CTNNA2: variants seen among roughly 807,000 people sequenced by gnomAD.
The protein encoded by CTNNA2 is catenin alpha-2.
Under a neutral mutation model 101.0 loss-of-function variants are expected in CTNNA2, and 42 were observed. That is an observed-to-expected ratio of 0.42 (90% CI 0.32 to 0.54). The LOEUF (loss-of-function observed/expected upper bound fraction) is 0.54, where lower values mean the gene tolerates loss of function less well. Ranked by LOEUF, CTNNA2 falls within the 20% of genes least tolerant of loss-of-function variation. The pLI, the probability that CTNNA2 is intolerant of heterozygous loss-of-function variation, is 0.14. For synonymous variants in CTNNA2, 450 were observed against 456.4 expected (o/e 0.99, Z 0.18); for missense variants, 871 against 1,223.1 (o/e 0.71, Z 4.29).
chr2:80,070,660 T>A (rs1698271344), intron 7 of CTNNA2, among the ~76,000 whole-genome samples: 1 of 150,636 alleles, frequency 6.6e-6, no homozygotes, highest in African/African-American at 2.5e-5. Context: ...GAGGCTGCAG[T>A]GAGCCATGAT....
At chr2:79,420,170 A>C (rs940435075) in intron 4 of CTNNA2, among the ~76,000 whole-genome samples, 1 of 152,154 alleles carries the variant, frequency 6.6e-6, no homozygotes, top group South Asian at 2.1e-4. Flanking sequence ...AAAAGTGACA[A>C]AAGACAGCAA....
intron 2 of CTNNA2, among the ~76,000 whole-genome samples, chr2:79,204,798 T>G (rs1287163622): frequency 2.0e-5 from 3 of 152,302 alleles, no homozygotes; most frequent in Non-Finnish European, 2.9e-5. Context: ...AAATGCTACG[T>G]TCTCACATGG....
chr2:79,621,799 T>C (rs1679014988), intron 1 of CTNNA2, among the ~76,000 whole-genome samples: 1 of 152,180 alleles, frequency 6.6e-6, no homozygotes, highest in African/African-American at 2.4e-5. Flanking sequence ...CCAGTAGTGA[T>C]GAACCATGTG....
intron 4 of CTNNA2, among the ~76,000 whole-genome samples, chr2:79,399,152 A>G (rs1036877169): frequency 2.0e-5 from 3 of 152,176 alleles, no homozygotes; most frequent in African/African-American, 7.2e-5. Context: ...TAGAAAAAAT[A>G]AATAATGACA....
At chr2:79,684,295 C>T (rs1029300277) in intron 2 of CTNNA2, among the ~76,000 whole-genome samples, 8 of 152,174 alleles carry the variant, frequency 5.3e-5, no homozygotes, top group Admixed American at 2.6e-4. Flanking sequence ...ATTCTATCTT[C>T]TGCCCTGTTC....
chr2:79,479,933 G>T (rs1316843045), intron 4 of CTNNA2, among the ~76,000 whole-genome samples: 5 of 151,864 alleles, frequency 3.3e-5, no homozygotes, highest in Admixed American at 3.3e-4. Context: ...AAAAAAAAAA[G>T]AAGGAATAAC....
chr2:80,333,823 A>ATGTT (rs1559017696), intron 7 of CTNNA2, among the ~76,000 whole-genome samples: 2 of 152,182 alleles, frequency 1.3e-5, no homozygotes, highest in Non-Finnish European at 2.9e-5. Flanking sequence ...GGGTTTCGCC[A>ATGTT]TGTTGGCCAG....
intron 2 of CTNNA2, among the ~76,000 whole-genome samples, chr2:79,664,300 T>C (rs1573610563): frequency 6.6e-6 from 1 of 152,214 alleles, no homozygotes; most frequent in Non-Finnish European, 1.5e-5. Flanking sequence ...AATGAAACCT[T>C]CATTTTTAAT....
intron 13 of CTNNA2, chr2:80,576,557 T>G (rs539566276): frequency 6.6e-6 from 1 of 152,044 alleles, no homozygotes; most frequent in African/African-American, 2.4e-5. Context: ...AACACGAAAT[T>G]TGTGAATCTT....
chr2:80,009,359 C>T (rs1693604377), intron 7 of CTNNA2, among the ~76,000 whole-genome samples: 1 of 152,140 alleles, frequency 6.6e-6, no homozygotes, highest in Admixed American at 6.6e-5. Context: ...CATTTCTCTT[C>T]TGAAGCCAAT....
chr2:80,029,760 A>G (rs182546167), intron 7 of CTNNA2, among the ~76,000 whole-genome samples: 10 of 152,122 alleles, frequency 6.6e-5, no homozygotes, highest in Admixed American at 5.9e-4. Flanking sequence ...CAAGTTTATA[A>G]GTGCATCATC....
rs1382927367 is a variant in CTNNA2, at chr2:80,419,500, G to A, written c.1189G>A (p.Val397Ile). 3 of 1,613,530 alleles carry A rather than the reference G, an allele frequency of 1.9e-6. No homozygotes were observed. Residue 397 changes from valine to isoleucine, a missense_variant, in exon 9 of 19, where the codon GTT becomes ATT. By Grantham distance (29) the Val-to-Ile change is conservative. This residue lies in a region of CTNNA2 where 647 missense variants were observed against 831.5 expected (regional missense o/e 0.78). Transcript: ENST00000402739. ...ATCTGACTCTTTCCTGGAAACCAAT[G>A]TTCCTTTGCTAGTTCTCATTGAGGC... ...HISDSFLETN[V>I]PLLVLIEAAK...
chr2:79,550,018 A>G (rs1673993100), intron 1 of CTNNA2, among the ~76,000 whole-genome samples: 1 of 152,190 alleles, frequency 6.6e-6, no homozygotes, highest in South Asian at 2.1e-4. Context: ...ACTATGAGCC[A>G]GAACTGGGCT....
chr2:79,455,101 G>A (rs1670800982), intron 4 of CTNNA2, among the ~76,000 whole-genome samples: 1 of 152,154 alleles, frequency 6.6e-6, no homozygotes, highest in Non-Finnish European at 1.5e-5. Flanking sequence ...GGGTGTCTGG[G>A]TGAGGGCAGA....
At chr2:80,214,146 T>G (rs1463081269) in intron 7 of CTNNA2, among the ~76,000 whole-genome samples, 2 of 152,168 alleles carry the variant, frequency 1.3e-5, no homozygotes, top group Admixed American at 6.5e-5. Context: ...AGCACACTGA[T>G]GGGTCTTGAC....
intron 7 of CTNNA2, 139 bp downstream of exon 7, chr2:79,909,936 C>CT: frequency 1.2e-6 from 1 of 840,814 alleles, no homozygotes; most frequent in Non-Finnish European, 1.8e-6. Context: ...CAAAGAACTG[C>CT]TTTGGGAGAG....
chr2:80,532,838 T>A (rs1573163811), intron 9 of CTNNA2, among the ~76,000 whole-genome samples: 3 of 152,138 alleles, frequency 2.0e-5, no homozygotes, highest in Admixed American at 1.3e-4. Context: ...GAATAGTTAC[T>A]TTGATTAATC....
At chr2:79,517,124 G>A (rs1671850116) in intron 1 of CTNNA2, among the ~76,000 whole-genome samples, 1 of 152,186 alleles carries the variant, frequency 6.6e-6, no homozygotes, top group African/African-American at 2.4e-5. Context: ...TACTCTCTGT[G>A]TGGAGAGACA....
intron 1 of CTNNA2, among the ~76,000 whole-genome samples, chr2:79,574,748 G>C (rs1483975160): frequency 6.6e-6 from 1 of 152,144 alleles, no homozygotes; most frequent in African/African-American, 2.4e-5. Flanking sequence ...TGAGATTGCT[G>C]GGTGAAATGG....
Sources: gnomAD v4.1 joint callset for allele counts (sites outside exome capture counted in the v4.1 genomes callset) on GRCh38, gnomAD v4.1.1 for gene constraint, gnomAD v4.1.1 regional missense constraint, MANE v1.5 for transcripts, NCBI Gene and HGNC (gene_info 2026-07-23, HGNC 2026-07-21) for gene names.